IPP: variants seen among roughly 807,000 people sequenced by gnomAD.
IPP encodes intracisternal A particle-promoted polypeptide.
Under a neutral mutation model 64.1 loss-of-function variants are expected in IPP, and 41 were observed. The ratio of observed to expected loss-of-function variants is 0.64; its 90% CI spans 0.50 to 0.83. IPP has a LOEUF of 0.83. Among genes scored for constraint, IPP ranks in the 40% least tolerant of loss-of-function variants. IPP has a pLI of 0.00. For synonymous variants in IPP, 214 were observed against 235.2 expected (o/e 0.91, Z 0.83); for missense variants, 649 against 703.0 (o/e 0.92, Z 0.87).
At chr1:45,694,731 TAAC>T, downstream of IPP, 4 of 455,730 alleles carry the variant, frequency 8.8e-6, no homozygotes, top group South Asian at 9.7e-5. Context: ...ATGGTACAGA[TAAC>T]AACTTGTCCC....
Position 45,699,997 on chromosome 1 carries a change from CTGG to C in IPP, c.1721_1723del (p.Thr574del). ...CACAGCAACGCCCCCTTCACAACGACTGGTGATCATGTTACCAATTTCTGTCCA... is the reference window on the plus strand; with the variant it reads ...CACAGCAACGCCCCCTTCACAACGACTGATCATGTTACCAATTTCTGTCCA... On this transcript the variant is annotated inframe_deletion, in exon 9 of 9. Coordinates refer to ENST00000396478, the MANE Select transcript of IPP (RefSeq NM_005897.3). 1 of 1,614,204 alleles carries C rather than the reference CTGG, an allele frequency of 6.2e-7. No homozygotes were observed. The highest frequency in any genetic ancestry group is 8.5e-7 in the Non-Finnish European group (1 of 1,180,038).
chr1:45,727,111 A>T (rs1009910259), intron 5 of IPP, among the ~76,000 whole-genome samples: 1 of 152,038 alleles, frequency 6.6e-6, no homozygotes, highest in African/African-American at 2.4e-5. Context: ...GTACAGTGGC[A>T]CGATCATGGC....
chr1:45,742,316 A>G (rs1386831492), intron 2 of IPP, among the ~76,000 whole-genome samples: 1 of 152,182 alleles, frequency 6.6e-6, no homozygotes, highest in Non-Finnish European at 1.5e-5. Flanking sequence ...CAAGCCCCCA[A>G]GACACACAAT....
chr1:45,728,755 C>T (rs565802242), intron 4 of IPP, among the ~76,000 whole-genome samples: 7 of 152,192 alleles, frequency 4.6e-5, no homozygotes, highest in African/African-American at 1.7e-4. Context: ...CTCAGCCTTC[C>T]AAAGTGCTGG....
intron 3 of IPP, among the ~76,000 whole-genome samples, chr1:45,738,997 G>A (rs921124146): frequency 6.6e-6 from 1 of 152,022 alleles, no homozygotes; most frequent in Admixed American, 6.6e-5. Flanking sequence ...TTCCGTGTTT[G>A]CAGCAGACTT....
At chr1:45,725,476 C>A (rs1195333071) in intron 5 of IPP, among the ~76,000 whole-genome samples, 2 of 140,490 alleles carry the variant, frequency 1.4e-5, no homozygotes, top group African/African-American at 5.2e-5. Context: ...GGGGTGTCAG[C>A]CCCCCGCCCG....
chr1:45,741,017 G>T lies in IPP; in HGVS notation c.608C>A (p.Ala203Asp). 2 of 1,613,864 alleles carry T rather than the reference G, an allele frequency of 1.2e-6. No individual in the cohort carries two copies. Among genetic ancestry groups the T allele is most frequent in the Non-Finnish European group, 1.7e-6 (2 of 1,179,790 alleles). ...SIEDEYQVFL[A>D]AMQWILKDLG... ...ATCTTTCAGAATCCATTGCATTGCA[G>T]CTAAGAAGACCTGGTATTCATCCTC... is the stretch of plus-strand genomic sequence containing the variant. The change falls in exon 3 of 9, where the codon GCT becomes GAT. Residue 203 changes from alanine to aspartate, a missense_variant. Transcript: ENST00000396478.
At chr1:45,734,058 A>G (rs922291611) in intron 3 of IPP, among the ~76,000 whole-genome samples, 2 of 152,196 alleles carry the variant, frequency 1.3e-5, no homozygotes, top group Non-Finnish European at 2.9e-5. Context: ...AAATCCATTT[A>G]AATTCAAAAC....
downstream of IPP, chr1:45,694,408 A>G (rs1290721108): frequency 3.1e-6 from 4 of 1,277,400 alleles, no homozygotes; most frequent in East Asian, 7.6e-5. Flanking sequence ...TATTTTAACC[A>G]TCTTGAAAAT....
intron 3 of IPP, among the ~76,000 whole-genome samples, chr1:45,732,683 T>C (rs1645927019): frequency 6.8e-6 from 1 of 146,946 alleles, no homozygotes; most frequent in Non-Finnish European, 1.5e-5. Context: ...TTTATTTATT[T>C]AGAGACAGAG....
At chr1:45,702,201 A>G (rs1557736740) in intron 8 of IPP, among the ~76,000 whole-genome samples, 2 of 152,034 alleles carry the variant, frequency 1.3e-5, no homozygotes, top group African/African-American at 4.8e-5. Flanking sequence ...TTTCATTTCT[A>G]CCAGTGTATT....
chr1:45,735,147 G>A (rs909330319), intron 3 of IPP, among the ~76,000 whole-genome samples: 6 of 150,956 alleles, frequency 4.0e-5, no homozygotes, highest in East Asian at 2.0e-4. Context: ...GCAGTGGTGC[G>A]ATCTCAGCTC....
chr1:45,718,003 A>G (rs920230853), intron 6 of IPP, among the ~76,000 whole-genome samples: 1 of 152,208 alleles, frequency 6.6e-6, no homozygotes, highest in African/African-American at 2.4e-5. Context: ...AGAAGGAGAA[A>G]ATAGGGGAGG....
chr1:45,699,586 T>C lies in IPP; in HGVS notation c.*380A>G. 9 of 992,830 alleles carry C rather than the reference T, an allele frequency of 9.1e-6. No individual in the cohort carries two copies. Among genetic ancestry groups the C allele is most frequent in the Non-Finnish European group, 1.1e-5 (9 of 833,766 alleles). The allele number at this position is 992,830 out of a possible 1,614,324, so 61.5% of individuals were successfully genotyped here. A position where few individuals can be genotyped will look rare whatever the true frequency, so the allele number is the denominator to read the frequency against. ...TTCTATTATTAGTAAACCTGGCAAA[T>C]CTGTGTGAGCTCTTTATTAATTGGG... is the stretch of plus-strand genomic sequence containing the variant. On this transcript the variant is annotated 3_prime_UTR_variant, in exon 9 of 9. Transcript: ENST00000396478.
chr1:45,729,831 A>G (rs1645882427), intron 3 of IPP, 62 bp from the exon 4 acceptor site: 2 of 961,396 alleles, frequency 2.1e-6, no homozygotes, highest in African/African-American at 3.4e-5. Context: ...GAAAAAACAC[A>G]TTTCTATAAA....
At chr1:45,738,252 T>C (rs1231322246) in intron 3 of IPP, among the ~76,000 whole-genome samples, 1 of 152,200 alleles carries the variant, frequency 6.6e-6, no homozygotes, top group African/African-American at 2.4e-5. Context: ...TCACTCTGTC[T>C]TCTCATTTCA....
intron 3 of IPP, among the ~76,000 whole-genome samples, chr1:45,735,705 C>T (rs1481928616): frequency 1.4e-5 from 2 of 140,334 alleles, no homozygotes; most frequent in South Asian, 2.3e-4. Flanking sequence ...TCTTGGCTCA[C>T]TGCCACCTCC....
rs750601627 is a variant in IPP, at chr1:45,719,198, A to G, written c.1186+5T>C. On this transcript the variant is annotated splice_donor_5th_base_variant and intron_variant, in intron 6 of 8. Coordinates refer to ENST00000396478, the MANE Select transcript of IPP (RefSeq NM_005897.3). ...AGCTATCTTTAAACTGAACAACATA[A>G]TTACCCAAAGCATAGATAGCCCCAT... 6.2e-7 allele frequency: 1 copy of G among 1,613,904 alleles called. No homozygotes were observed. The highest frequency in any genetic ancestry group is 1.1e-5 in the South Asian group (1 of 91,050).
At chr1:45,747,850 A>G (rs1182908245) in intron 1 of IPP, among the ~76,000 whole-genome samples, 1 of 149,012 alleles carries the variant, frequency 6.7e-6, no homozygotes, top group African/African-American at 2.5e-5. Flanking sequence ...AAAAAAAAAA[A>G]AAAAAAAAAA....
Sources: allele counts gnomAD v4.1 joint callset (sites outside exome capture counted in the v4.1 genomes callset), GRCh38; gene constraint gnomAD v4.1.1; transcripts MANE v1.5; gene names NCBI Gene and HGNC (gene_info 2026-07-23, HGNC 2026-07-21).